Variants in DENND2A observed in about 807,000 individuals in gnomAD.
DENND2A encodes the protein DENN domain containing 2A.
A neutral mutation model predicts 105.3 loss-of-function variants in DENND2A; 53 were observed. The observed-to-expected ratio is 0.50, with a 90% CI of 0.40 to 0.63. The LOEUF is 0.63. Among genes scored for constraint, DENND2A ranks in the 30% least tolerant of loss-of-function variants. DENND2A has a pLI of 0.00. For synonymous variants in DENND2A, 522 were observed against 508.4 expected, an observed-to-expected ratio of 1.03 and a Z score of -0.36; for missense variants, 1,138 against 1,279.6, an observed-to-expected ratio of 0.89 and a Z score of 1.69.
chr7:140,560,105 T>G (rs541130709), intron 9 of DENND2A, among the ~76,000 whole-genome samples: 8 of 152,262 alleles, frequency 5.3e-5, no homozygotes, highest in Admixed American at 2.6e-4. Flanking sequence ...TTAAAAAAAC[T>G]GCCAGCAATC....
At chr7:140,584,571 C>T (rs1798697919) in intron 5 of DENND2A, among the ~76,000 whole-genome samples, 1 of 152,182 alleles carries the variant, frequency 6.6e-6, no homozygotes, top group South Asian at 2.1e-4. Flanking sequence ...AAATTACCAT[C>T]TATATCAATA....
At chr7:140,573,545 A>C (rs1462696463) in intron 6 of DENND2A, among the ~76,000 whole-genome samples, 1 of 152,090 alleles carries the variant, frequency 6.6e-6, no homozygotes, top group Non-Finnish European at 1.5e-5. Context: ...TTTTGAGGAT[A>C]GGCATTAAAA....
intron 9 of DENND2A, among the ~76,000 whole-genome samples, chr7:140,564,522 G>T (rs1040131115): frequency 6.6e-6 from 1 of 152,112 alleles, no homozygotes; most frequent in South Asian, 2.1e-4. Flanking sequence ...TTCCAGTTTT[G>T]TAAGAACATT....
intron 1 of DENND2A, among the ~76,000 whole-genome samples, chr7:140,625,827 G>A (rs1027359350): frequency 1.4e-4 from 21 of 152,122 alleles, no homozygotes; most frequent in African/African-American, 3.4e-4. Context: ...CTTGTGTTAC[G>A]TCTTGTATGG....
intron 1 of DENND2A, among the ~76,000 whole-genome samples, chr7:140,633,995 ATTTC>A (rs1800827985): frequency 6.6e-6 from 1 of 150,884 alleles, no homozygotes; most frequent in Non-Finnish European, 1.5e-5. Flanking sequence ...ATTAAAATAG[ATTTC>A]TTTTTTTTTT....
chr7:140,626,866 C>A (rs573920669), intron 1 of DENND2A, among the ~76,000 whole-genome samples: 65 of 152,318 alleles, frequency 4.3e-4, no homozygotes, highest in African/African-American at 1.5e-3. Flanking sequence ...TGAGAAAAAG[C>A]TTGAGAGAGG....
At chr7:140,609,283 C>A (rs1275263251) in intron 1 of DENND2A, among the ~76,000 whole-genome samples, 2 of 152,156 alleles carry the variant, frequency 1.3e-5, no homozygotes, top group African/African-American at 4.8e-5. Context: ...GAGGCCAAGG[C>A]GGGCGGATCT....
chr7:140,521,872 C>T lies in DENND2A; in HGVS notation c.2894G>A (p.Arg965His), dbSNP rs779580171. ...FRGFIQERELRRQDAKGLFEV... is the reference protein window; with the variant it reads ...FRGFIQERELHRQDAKGLFEV... ...CCCCTCACCTTTGGCATCCTGCCGG[C>T]GCAGCTCCCGCTCCTGGATGAAGCC... is the stretch of plus-strand genomic sequence containing the variant. Residue 965 changes from arginine (R) to histidine (H), a missense_variant, in exon 18 of 20, where the codon CGC (arginine) becomes CAC (histidine). Coordinates refer to ENST00000496613, the MANE Select transcript of DENND2A (RefSeq NM_015689.5). The T allele has an allele frequency of 2.9e-5, 47 of 1,613,914 alleles. No individual in the cohort carries two copies. Among genetic ancestry groups the T allele is most frequent in the Non-Finnish European group, 3.7e-5 (44 of 1,180,024 alleles).
rs2130650563 is a variant in DENND2A at position 140,587,742 on chromosome 7, G to C, written c.1034C>G (p.Ser345Cys). 4 of 1,608,690 alleles carry C rather than the reference G, an allele frequency of 2.5e-6. No homozygotes were observed. The East Asian group carries it at 9.0e-5, about 36-fold the overall frequency. Reference sequence around the variant, plus strand: ...GTACCAGTCCACCCTGCTGCTCTCAGAGGAAGACTGCAGTAAATCTTCAAA... The same window carrying C: ...GTACCAGTCCACCCTGCTGCTCTCACAGGAAGACTGCAGTAAATCTTCAAA... The part of the protein sequence containing the change: ...YEFEDLLQSS[S>C]ESSRVDWYAQ... Residue 345 changes from serine to cysteine, a missense_variant, in exon 4 of 20, where the codon TCT (serine) becomes TGT (cysteine). Coordinates refer to ENST00000496613, the MANE Select transcript of DENND2A (RefSeq NM_015689.5).
intron 1 of DENND2A, among the ~76,000 whole-genome samples, chr7:140,637,952 C>T: frequency 6.6e-6 from 1 of 152,202 alleles, no homozygotes; most frequent in East Asian, 1.9e-4. Flanking sequence ...TGGCCCCATA[C>T]TCTGAGATGA....
chr7:140,558,533 T>A (rs1797478055), intron 10 of DENND2A, among the ~76,000 whole-genome samples: 1 of 151,942 alleles, frequency 6.6e-6, no homozygotes, highest in South Asian at 2.1e-4. Context: ...CTGTCTCTAC[T>A]AAAAATACAA....
chr7:140,574,846 C>T (rs1798237223), intron 5 of DENND2A, among the ~76,000 whole-genome samples: 1 of 151,866 alleles, frequency 6.6e-6, no homozygotes, highest in African/African-American at 2.4e-5. Flanking sequence ...GGTGAAACCC[C>T]GTCTCTACTA....
At chr7:140,609,330 T>C (rs534771427) in intron 1 of DENND2A, among the ~76,000 whole-genome samples, 269 of 152,248 alleles carry the variant, frequency 1.8e-3, no homozygotes, top group Non-Finnish European at 3.4e-3. Context: ...CTGGCCAACA[T>C]GGGGAAACCC....
intron 14 of DENND2A, among the ~76,000 whole-genome samples, chr7:140,530,629 AC>A (rs759086668): frequency 3.3e-5 from 5 of 152,064 alleles, no homozygotes; most frequent in Non-Finnish European, 7.4e-5. Flanking sequence ...TTTGGAAGAT[AC>A]CAAGAAAAAA....
intron 1 of DENND2A, among the ~76,000 whole-genome samples, chr7:140,638,219 G>A (rs1801026069): frequency 1.3e-5 from 2 of 152,142 alleles, no homozygotes; most frequent in African/African-American, 4.8e-5. Flanking sequence ...ATGCAACCCA[G>A]TGTATTTTTG....
At chr7:140,607,344 A>T (rs1486246510) in intron 1 of DENND2A, among the ~76,000 whole-genome samples, 1 of 152,196 alleles carries the variant, frequency 6.6e-6, no homozygotes, top group African/African-American at 2.4e-5. Flanking sequence ...GAGAGTGCAC[A>T]TGGGTAACAA....
intron 11 of DENND2A, among the ~76,000 whole-genome samples, 176 bp downstream of exon 11, chr7:140,557,967 A>G (rs1797448725): frequency 6.6e-6 from 1 of 152,008 alleles, no homozygotes; most frequent in African/African-American, 2.4e-5. Flanking sequence ...CCACCATGCC[A>G]GATTTTTTCT....
chr7:140,620,463 T>A (rs1747307921), intron 1 of DENND2A, among the ~76,000 whole-genome samples: 1 of 151,462 alleles, frequency 6.6e-6, no homozygotes, highest in African/African-American at 2.4e-5. Flanking sequence ...AGACTTTGAT[T>A]TTTTTTTTCC....
chr7:140,639,988 A>G (rs1013000566), intron 1 of DENND2A, among the ~76,000 whole-genome samples: 14 of 152,264 alleles, frequency 9.2e-5, no homozygotes, highest in African/African-American at 3.4e-4. Flanking sequence ...GGAAGAAGTA[A>G]GACCATTCAA....
Sources: gnomAD v4.1 joint callset for allele counts (sites outside exome capture counted in the v4.1 genomes callset) on GRCh38, gnomAD v4.1.1 for gene constraint, MANE v1.5 for transcripts, NCBI Gene and HGNC (gene_info 2026-07-23, HGNC 2026-07-21) for gene names.